Variants in FSIP2 observed in about 807,000 individuals in gnomAD.
FSIP2 encodes the protein fibrous sheath interacting protein 2, also known as fibrous sheath-interacting protein 2.
A neutral mutation model predicts 510.5 loss-of-function variants in FSIP2; 367 were observed. The observed-to-expected ratio is 0.72, with a 90% CI of 0.66 to 0.78. The LOEUF (loss-of-function observed/expected upper bound fraction) is 0.78. FSIP2 is among the 30% of genes least tolerant of loss of function. FSIP2 has a pLI of 0.00. For missense variants in FSIP2, 7,594 were observed against 7,901.7 expected, an observed-to-expected ratio of 0.96 and a Z score of 1.48; for synonymous variants, 2,601 against 2,732.2, an observed-to-expected ratio of 0.95 and a Z score of 1.50.
chr2:185,764,363 A>G, intron 12 of FSIP2, 139 bp from the exon 13 acceptor site: 1 of 532,744 alleles, frequency 1.9e-6, no homozygotes, highest in Non-Finnish European at 3.3e-6. Flanking sequence ...AAAAACGTGC[A>G]TTTCTTATAA....
rs1693726891 is a variant in FSIP2 at position 185,811,454 on chromosome 2, G to A, written c.19828-2091G>A. On this transcript the variant is annotated intron_variant, in intron 17 of 22. Transcript: ENST00000424728. ...ACTGCTCTCCAGCCTGGGTGACAAA[G>A]CGAGACTCCACCTCAAAAAAAAAAA... 2.1e-5 allele frequency among the ~76,000 whole-genome samples: 3 copies of A among 146,154 alleles called. No individual in the cohort carries two copies. The South Asian group carries it at 6.5e-4, about 31-fold the overall frequency.
At position 185,743,214 on chromosome 2, in the gene FSIP2, C is replaced by T; in HGVS notation, c.307C>T (p.Pro103Ser). 2.0e-6 allele frequency: 3 copies of T among 1,529,040 alleles called. No individual in the cohort carries two copies. Among genetic ancestry groups the T allele is most frequent in the Non-Finnish European group, 1.7e-6 (2 of 1,142,998 alleles). 94.7% of individuals were successfully genotyped at this position (1,529,040 alleles called of 1,614,324 possible). ...LENQYKSLHDPHLKAYYKRKD... is the reference protein window; with the variant it reads ...LENQYKSLHDSHLKAYYKRKD... ...AAACCAATATAAAAGCCTCCATGAT[C>T]CACATTTAAAAGCATACTATAAGCG... is the stretch of plus-strand genomic sequence containing the variant. The change falls in exon 3 of 23, where the codon CCA becomes TCA. Residue 103 changes from proline to serine, a missense_variant. Transcript: ENST00000424728.
chr2:185,794,500 T>C lies in FSIP2; in HGVS notation c.7364T>C (p.Ile2455Thr), dbSNP rs926718776. 9 of 1,522,784 alleles carry C rather than the reference T, an allele frequency of 5.9e-6. No homozygotes were observed. The South Asian group carries it at 7.4e-5, about 13-fold the overall frequency. The allele number at this position is 1,522,784 out of a possible 1,614,324, so 94.3% of individuals were successfully genotyped here. The change falls in exon 16 of 23, where the codon ATA becomes ACA. Residue 2455 changes from isoleucine to threonine, a missense_variant. Ile to Thr is a moderately conservative substitution (Grantham distance 89). Coordinates refer to ENST00000424728, the MANE Select transcript of FSIP2 (RefSeq NM_173651.4). ...TKYPLEQNQM[I>T]LENKRQIIVL... ...TATCCATTAGAGCAAAACCAAATGA[T>C]ATTGGAAAACAAAAGGCAGATAATT... is the stretch of plus-strand genomic sequence containing the variant.
chr2:185,790,593 T>C lies in FSIP2; in HGVS notation c.3457T>C (p.Trp1153Arg), dbSNP rs1693098173. 1 of 1,533,878 alleles carries C rather than the reference T, an allele frequency of 6.5e-7. No individual in the cohort carries two copies. Among genetic ancestry groups the C allele is most frequent in the Non-Finnish European group, 8.7e-7 (1 of 1,145,488 alleles). ...EKPQGLSHQEWIDQMFSVSEI... is the reference protein window; with the variant it reads ...EKPQGLSHQERIDQMFSVSEI... ...GCCTCAAGGACTGTCACATCAAGAA[T>C]GGATAGACCAGATGTTTTCTGTTTC... Residue 1153 changes from tryptophan (W) to arginine (R), a missense_variant, in exon 16 of 23, where the codon TGG becomes CGG. Trp to Arg is a moderately radical substitution (Grantham distance 101). Coordinates refer to ENST00000424728, the MANE Select transcript of FSIP2 (RefSeq NM_173651.4).
chr2:185,739,236 C>G (rs962675883), intron 1 of FSIP2, 110 bp from the exon 2 acceptor site: 2 of 1,266,758 alleles, frequency 1.6e-6, no homozygotes, highest in African/African-American at 1.5e-5. Flanking sequence ...TGCCCCGAAC[C>G]CTGATTGTAT....
chr2:185,808,807 C>T lies in FSIP2; in HGVS notation c.19501C>T (p.Pro6501Ser). 1 of 1,612,654 alleles carries T rather than the reference C, an allele frequency of 6.2e-7. No homozygotes were observed. Among genetic ancestry groups the T allele is most frequent in the Non-Finnish European group, 8.5e-7 (1 of 1,179,406 alleles). Residue 6501 changes from proline to serine, a missense_variant, in exon 17 of 23, where the codon CCT becomes TCT. Pro to Ser is a moderately conservative substitution (Grantham distance 74). Transcript: ENST00000424728. ...KAQEHAFNVIPELEQEKLDQN... is the reference protein window; with the variant it reads ...KAQEHAFNVISELEQEKLDQN... ...CCAAGAACATGCTTTTAATGTGATTCCTGAATTAGAGCAAGAAAAGTTAGA... is the reference window on the plus strand; with the variant it reads ...CCAAGAACATGCTTTTAATGTGATTTCTGAATTAGAGCAAGAAAAGTTAGA...
intron 5 of FSIP2, among the ~76,000 whole-genome samples, chr2:185,746,368 G>A (rs762864697): frequency 6.6e-5 from 10 of 151,808 alleles, no homozygotes; most frequent in African/African-American, 1.2e-4. Flanking sequence ...AACCTACTGA[G>A]TTATGAATGC....
intron 13 of FSIP2, among the ~76,000 whole-genome samples, chr2:185,777,207 A>G (rs1184173576): frequency 1.3e-5 from 2 of 152,204 alleles, no homozygotes; most frequent in Non-Finnish European, 2.9e-5. Context: ...AGTGCTGTAA[A>G]GTACAGCTGA....
intron 3 of FSIP2, among the ~76,000 whole-genome samples, chr2:185,744,061 C>G (rs1435867760): frequency 6.6e-6 from 1 of 151,890 alleles, no homozygotes; most frequent in African/African-American, 2.4e-5. Flanking sequence ...AACTCCTGGC[C>G]TCAAGAGATC....
chr2:185,741,305 C>T (rs1214664668), intron 2 of FSIP2, among the ~76,000 whole-genome samples: 1 of 152,062 alleles, frequency 6.6e-6, no homozygotes, highest in African/African-American at 2.4e-5. Flanking sequence ...CATATAATTT[C>T]TCAGAAGAAT....
rs370517377 is a variant in FSIP2, at chr2:185,807,465, T to G, written c.18159T>G (p.Ser6053Arg). 2 of 1,612,716 alleles carry G rather than the reference T, an allele frequency of 1.2e-6. No individual in the cohort carries two copies. Among genetic ancestry groups the G allele is most frequent in the Non-Finnish European group, 1.7e-6 (2 of 1,179,292 alleles). ...ATTTCCTTCAAATGAAGTTAGTAAG[T>G]GCAGTTGCAACAGAGATCTCCCAAG... Reference protein sequence around the residue: ...ELNFLQMKLVSAVATEISQDK... With the variant: ...ELNFLQMKLVRAVATEISQDK... Residue 6053 changes from serine to arginine, a missense_variant, in exon 17 of 23, where the codon AGT becomes AGG. Coordinates refer to ENST00000424728, the MANE Select transcript of FSIP2 (RefSeq NM_173651.4).
intron 8 of FSIP2, among the ~76,000 whole-genome samples, chr2:185,754,681 C>G (rs888706377): frequency 6.6e-6 from 1 of 151,488 alleles, no homozygotes; most frequent in African/African-American, 2.4e-5. Flanking sequence ...TTATCAGCAT[C>G]TAGAGTTCAG....
chr2:185,774,545 C>G (rs890637732), intron 13 of FSIP2, among the ~76,000 whole-genome samples: 1 of 151,614 alleles, frequency 6.6e-6, no homozygotes, highest in Non-Finnish European at 1.5e-5. Flanking sequence ...TGTCAAGTGT[C>G]AGTTATTCTC....
rs1693084183 is a variant in FSIP2 at position 185,790,097 on chromosome 2, A to G, written c.2961A>G (p.Arg987=). 6.5e-7 allele frequency: 1 copy of G among 1,533,746 alleles called. No homozygotes were observed. Among genetic ancestry groups the G allele is most frequent in the African/African-American group, 1.4e-5 (1 of 72,898 alleles). Residue 987 remains arginine, a synonymous_variant, in exon 16 of 23, where the codon AGA becomes AGG. Coordinates refer to ENST00000424728, the MANE Select transcript of FSIP2 (RefSeq NM_173651.4). Reference sequence around the variant, plus strand: ...TATCAAATAGTCCTAGGTCTGGAAGACCATTTCCACCTATAAATGTTCCAG... The same window carrying G: ...TATCAAATAGTCCTAGGTCTGGAAGGCCATTTCCACCTATAAATGTTCCAG... ...TRLSNSPRSG[R]PFPPINVPGM...
chr2:185,806,456 T>C lies in FSIP2; in HGVS notation c.17150T>C (p.Val5717Ala), dbSNP rs927500458. The part of the protein sequence containing the change: ...QSPPGDNVLN[V>A]IQEISRDSAQ... ...CCCCCAGGTGATAATGTATTAAATG[T>C]AATTCAAGAGATTAGCAGGGATTCG... The change falls in exon 17 of 23, where the codon GTA (valine) becomes GCA (alanine). Residue 5717 changes from valine (V) to alanine (A), a missense_variant. Val to Ala is a moderately conservative substitution (Grantham distance 64). Coordinates refer to ENST00000424728, the MANE Select transcript of FSIP2 (RefSeq NM_173651.4). 2 of 1,611,646 alleles carry C rather than the reference T, an allele frequency of 1.2e-6. No individual in the cohort carries two copies. The highest frequency in any genetic ancestry group is 1.7e-6 in the Non-Finnish European group (2 of 1,178,614).
chr2:185,805,440 A>G lies in FSIP2; in HGVS notation c.16134A>G (p.Ile5378Met), dbSNP rs1693542965. ...IQKGDESNIA[I>M]GMIAALTQKA... is the part of the protein sequence containing the mutation. ...AAGGTGATGAAAGTAACATTGCTAT[A>G]GGGATGATTGCTGCTCTAACCCAGA... The change falls in exon 17 of 23, where the codon ATA becomes ATG. Residue 5378 changes from isoleucine to methionine, a missense_variant. Physicochemically the swap from Ile to Met is conservative, Grantham distance 10 (BLOSUM62 1). Coordinates refer to ENST00000424728, the MANE Select transcript of FSIP2 (RefSeq NM_173651.4). 3 of 1,609,932 alleles carry G rather than the reference A, an allele frequency of 1.9e-6. No individual in the cohort carries two copies. The highest frequency in any genetic ancestry group is 2.5e-6 in the Non-Finnish European group (3 of 1,177,858).
chr2:185,803,541 A>T lies in FSIP2; in HGVS notation c.14235A>T (p.Pro4745=), dbSNP rs773996721. Reference sequence around the variant, plus strand: ...AAATTTTTGATTTCCAAATTCATCCAGATCTTATAGCAAATCTGCCTTTTA... The same window carrying T: ...AAATTTTTGATTTCCAAATTCATCCTGATCTTATAGCAAATCTGCCTTTTA... ...LAEIFDFQIH[P]DLIANLPFKS... Residue 4745 remains proline (P), a synonymous_variant, in exon 17 of 23, where the codon CCA becomes CCT. Coordinates refer to ENST00000424728, the MANE Select transcript of FSIP2 (RefSeq NM_173651.4). 4.6e-6 allele frequency: 7 copies of T among 1,533,206 alleles called. No homozygotes were observed. In the South Asian group the frequency reaches 7.1e-5, roughly 16 times the overall value. The allele number at this position is 1,533,206 out of a possible 1,614,324, so 95.0% of individuals were successfully genotyped here.
Position 185,807,470 on chromosome 2 carries a change from T to A in FSIP2, c.18164T>A (p.Val6055Asp). Reference protein sequence around the residue: ...NFLQMKLVSAVATEISQDKYM... With the variant: ...NFLQMKLVSADATEISQDKYM... ...CTTCAAATGAAGTTAGTAAGTGCAGTTGCAACAGAGATCTCCCAAGATAAA... is the reference window on the plus strand; with the variant it reads ...CTTCAAATGAAGTTAGTAAGTGCAGATGCAACAGAGATCTCCCAAGATAAA... Residue 6055 changes from valine to aspartate, a missense_variant, in exon 17 of 23, where the codon GTT (valine) becomes GAT (aspartate). Physicochemically the swap from Val to Asp is radical, Grantham distance 152. Transcript: ENST00000424728. The A allele has an allele frequency of 6.2e-7, 1 of 1,612,670 alleles. No individual in the cohort carries two copies. The highest frequency in any genetic ancestry group is 1.7e-5 in the Admixed American group (1 of 59,902).
At chr2:185,824,363 C>G in intron 19 of FSIP2, 71 bp from the exon 20 acceptor site, 1 of 995,756 alleles carries the variant, frequency 1.0e-6, no homozygotes. Flanking sequence ...AATAACTGTT[C>G]TTTTGCTTAA....
Sources: gnomAD v4.1 joint callset for allele counts (sites outside exome capture counted in the v4.1 genomes callset) on GRCh38, gnomAD v4.1.1 for gene constraint, MANE v1.5 for transcripts, NCBI Gene and HGNC (gene_info 2026-07-23, HGNC 2026-07-21) for gene names.